The following RALY variants were observed in gnomAD, a reference collection of about 807,000 sequenced individuals.
The protein encoded by RALY is RALY heterogeneous nuclear ribonucleoprotein, also known as RNA-binding protein Raly.
RALY carries 15 observed loss-of-function variants against 30.7 expected under a neutral mutation model. The observed-to-expected ratio is 0.49, with a 90% confidence interval of 0.33 to 0.75. The LOEUF is 0.75. RALY is among the 30% of genes least tolerant of loss of function. RALY has a pLI of 0.02. For synonymous variants in RALY, 177 were observed against 170.8 expected (o/e 1.04, Z -0.28); for missense variants, 339 against 414.3 (o/e 0.82, Z 1.58).
chr20:34,015,753 A>T (rs571813646), intron 1 of RALY, among the ~76,000 whole-genome samples: 1 of 152,104 alleles, frequency 6.6e-6, no homozygotes, highest in South Asian at 2.1e-4. Flanking sequence ...ATGTTCATGG[A>T]TCTGTTTTCT....
Position 34,021,925 on chromosome 20 carries a change from A to AT in RALY, c.-92-9588dup, listed in dbSNP as rs1166384145. Among the ~76,000 whole-genome samples, 63 of 149,754 alleles carry AT rather than the reference A, an allele frequency of 4.2e-4. No individual in the cohort carries two copies. In the Middle Eastern group the frequency reaches 0.021, roughly 49 times the overall value. On this transcript the variant is annotated intron_variant, in intron 1 of 9. Transcript: ENST00000246194. ...TAAGTTTTTTTATTATTAAAAAAAA[A>AT]TTTTTTTTTAAATAGAGACGGGTCT...
At chr20:34,021,332 A>G (rs936486478) in intron 1 of RALY, among the ~76,000 whole-genome samples, 4 of 152,200 alleles carry the variant, frequency 2.6e-5, no homozygotes, top group African/African-American at 9.7e-5. Flanking sequence ...TTTACAAACA[A>G]TAGAAGTTTG....
chr20:34,033,684 C>T (rs1164110582), intron 2 of RALY, among the ~76,000 whole-genome samples: 1 of 152,110 alleles, frequency 6.6e-6, no homozygotes, highest in South Asian at 2.1e-4. Context: ...TCCAAACCTC[C>T]CATTAGGTCC....
chr20:34,003,945 C>G (rs1038983477), intron 1 of RALY, among the ~76,000 whole-genome samples: 9 of 152,102 alleles, frequency 5.9e-5, no homozygotes, highest in Non-Finnish European at 1.0e-4. Context: ...GGCCTCCAAA[C>G]AGTTTTAAAA....
chr20:34,023,511 A>C (rs2031907277), intron 1 of RALY, among the ~76,000 whole-genome samples: 1 of 152,176 alleles, frequency 6.6e-6, no homozygotes, highest in African/African-American at 2.4e-5. Flanking sequence ...GCTGGCAAGC[A>C]GTCTCTGGAC....
intron 3 of RALY, 78 bp downstream of exon 3, chr20:34,072,408 CTCTT>C (rs2033753124): frequency 6.7e-7 from 1 of 1,487,506 alleles, no homozygotes; most frequent in Non-Finnish European, 9.0e-7. Context: ...ACCCCCTTCT[CTCTT>C]TCTCTCACCG....
chr20:34,082,767 C>T lies in RALY; in HGVS notation c.*2862C>T, dbSNP rs565689850. 1.3e-5 allele frequency: 2 copies of T among 152,192 alleles called. No homozygotes were observed. The highest frequency in any genetic ancestry group is 6.5e-5 in the Admixed American group (1 of 15,280). 9.4% of individuals were successfully genotyped at this position (152,192 alleles called of 1,614,324 possible). ...GCATACACATGCCCTTCCTCTGAGT[C>T]GGGGCAGCAAAAACATCCATTCCGC... On this transcript the variant is annotated 3_prime_UTR_variant, in exon 10 of 10. Coordinates refer to ENST00000246194, the MANE Select transcript of RALY (RefSeq NM_016732.3).
intron 1 of RALY, among the ~76,000 whole-genome samples, chr20:34,021,943 A>G (rs774357214): frequency 2.0e-5 from 3 of 151,058 alleles, no homozygotes; most frequent in Non-Finnish European, 4.4e-5. Context: ...TTAAATAGAG[A>G]CGGGTCTTGC....
At position 34,084,567 on chromosome 20, in the gene RALY, A is replaced by G. The variant is rs1169357707; in HGVS notation, c.*4662A>G. On this transcript the variant is annotated 3_prime_UTR_variant, in exon 10 of 10. Coordinates refer to ENST00000246194, the MANE Select transcript of RALY (RefSeq NM_016732.3). ...CGCCTTTATCTAAACTCTGTGACCG[A>G]TCAATAGCATATGATGGTGGTGGTG... is the stretch of plus-strand genomic sequence containing the variant. 6.6e-6 allele frequency: 1 copy of G among 152,290 alleles called. No individual in the cohort carries two copies. The highest frequency in any genetic ancestry group is 2.4e-5 in the African/African-American group (1 of 41,474). The allele number at this position is 152,290 out of a possible 1,614,324, so 9.4% of individuals were successfully genotyped here.
chr20:34,002,925 A>G (rs547305532), intron 1 of RALY, among the ~76,000 whole-genome samples: 1 of 152,262 alleles, frequency 6.6e-6, no homozygotes, highest in African/African-American at 2.4e-5. Flanking sequence ...TGCAGGTGGA[A>G]TTATCTGAGG....
chr20:34,048,772 C>T (rs529495145), intron 2 of RALY, among the ~76,000 whole-genome samples: 1 of 149,734 alleles, frequency 6.7e-6, no homozygotes, highest in Non-Finnish European at 1.5e-5. Flanking sequence ...AGGAGAATGG[C>T]GTGAACCCTG....
chr20:34,055,524 C>A (rs966854915), intron 2 of RALY, among the ~76,000 whole-genome samples: 1 of 152,202 alleles, frequency 6.6e-6, no homozygotes, highest in East Asian at 1.9e-4. Context: ...AGCACCCACT[C>A]TGGGCTAGAG....
intron 1 of RALY, among the ~76,000 whole-genome samples, chr20:34,001,717 T>G (rs1280749636): frequency 6.6e-6 from 1 of 152,174 alleles, no homozygotes; most frequent in African/African-American, 2.4e-5. Flanking sequence ...TTATCTAGAT[T>G]TGGGTTTTTT....
chr20:34,016,665 G>C (rs1204718693), intron 1 of RALY: 1 of 152,244 alleles, frequency 6.6e-6, no homozygotes, highest in Non-Finnish European at 1.5e-5. Context: ...CTGGACATCA[G>C]CTTTCTCCAC....
chr20:34,058,041 G>T (rs1304326729), intron 2 of RALY, among the ~76,000 whole-genome samples: 1 of 151,810 alleles, frequency 6.6e-6, no homozygotes, highest in Non-Finnish European at 1.5e-5. Flanking sequence ...CTTTTAACCA[G>T]TTGCAGTGTA....
At chr20:34,027,254 G>T (rs1323006280) in intron 1 of RALY, among the ~76,000 whole-genome samples, 2 of 152,150 alleles carry the variant, frequency 1.3e-5, no homozygotes, top group Non-Finnish European at 2.9e-5. Flanking sequence ...AGCAGACCTG[G>T]GTTCAAATGC....
chr20:34,046,836 T>G (rs1601466082), intron 2 of RALY, among the ~76,000 whole-genome samples: 1 of 103,208 alleles, frequency 9.7e-6, no homozygotes, highest in African/African-American at 4.0e-5. Flanking sequence ...TTTTTTTTTT[T>G]GAGATGGAGT....
intron 3 of RALY, among the ~76,000 whole-genome samples, chr20:34,073,250 A>C (rs1601509441): frequency 2.0e-5 from 3 of 150,192 alleles, no homozygotes; most frequent in African/African-American, 7.4e-5. Flanking sequence ...CATTTACATG[A>C]GTGTATTTGA....
rs146310600 is a variant in RALY at position 34,073,423 on chromosome 20, A to G, written c.257-140A>G. On this transcript the variant is annotated intron_variant, in intron 3 of 9. Coordinates refer to ENST00000246194, the MANE Select transcript of RALY (RefSeq NM_016732.3). Reference sequence around the variant, plus strand: ...ATGTTTGAAGATTAGATGTATGAAGACCTTTGTTGGCACCATCAGTGAGCA... The same window carrying G: ...ATGTTTGAAGATTAGATGTATGAAGGCCTTTGTTGGCACCATCAGTGAGCA... 2.3e-3 allele frequency: 1,644 copies of G among 721,950 alleles called. 17 individuals are homozygous for G. The African/African-American group carries it at 0.025, about 11-fold the overall frequency. The allele number at this position is 721,950 out of a possible 1,614,324, so 44.7% of individuals were successfully genotyped here.
Sources: gnomAD v4.1 joint callset for allele counts (sites outside exome capture counted in the v4.1 genomes callset) on GRCh38, gnomAD v4.1.1 for gene constraint, MANE v1.5 for transcripts, NCBI Gene and HGNC (gene_info 2026-07-23, HGNC 2026-07-21) for gene names.